Variants in SYNE1 observed in about 807,000 individuals in gnomAD.
SYNE1 encodes the protein spectrin repeat containing nuclear envelope protein 1.
In SYNE1, 616 loss-of-function variants were observed where a neutral mutation model predicts 1,111.0. The observed-to-expected ratio is 0.55, with a 90% CI of 0.52 to 0.59. The LOEUF is 0.59. Among genes scored for constraint, SYNE1 ranks in the 20% least tolerant of loss-of-function variants. SYNE1 has a pLI of 0.00. For synonymous variants in SYNE1, 3,855 were observed against 3,825.8 expected (o/e 1.01, Z -0.28); for missense variants, 10,006 against 10,417.0 (o/e 0.96, Z 1.72).
At chr6:152,392,855 AAATTC>A (rs1299031168) in intron 51 of SYNE1, among the ~76,000 whole-genome samples, 3 of 152,212 alleles carry the variant, frequency 2.0e-5, no homozygotes, top group African/African-American at 7.2e-5. Context: ...TGCATGATAA[AAATTC>A]AATGAGTCTT....
At chr6:152,170,259 C>T (rs1318536958) in intron 130 of SYNE1, among the ~76,000 whole-genome samples, 1 of 152,100 alleles carries the variant, frequency 6.6e-6, no homozygotes, top group Admixed American at 6.5e-5. Context: ...TTCATTGATA[C>T]AGAAAATCCT....
In SYNE1 at chr6:152,302,287, C is replaced by T. The variant is rs547611354; in HGVS notation, c.17347-224G>A. On this transcript the variant is annotated intron_variant, in intron 91 of 145. Coordinates refer to ENST00000367255, the MANE Select transcript of SYNE1 (RefSeq NM_182961.4). The stretch of plus-strand genomic sequence containing the variant: ...GCCAAAGTGCCCGAGCCCGCGTCCC[C>T]GCGTCGGTACAAAAGGAGAAATGAG... 8.1e-6 allele frequency: 5 copies of T among 619,874 alleles called. No homozygotes were observed. The South Asian group carries it at 9.4e-5, about 12-fold the overall frequency. 38.4% of individuals were successfully genotyped at this position (619,874 alleles called of 1,614,324 possible). A position where few individuals can be genotyped will look rare whatever the true frequency, so the allele number is the denominator to read the frequency against.
At chr6:152,321,690 G>T in intron 83 of SYNE1, 31 bp downstream of exon 83, 1 of 1,613,082 alleles carries the variant, frequency 6.2e-7, no homozygotes, top group East Asian at 2.2e-5. Flanking sequence ...TTGAAATGAT[G>T]GGTAAAGAGA....
intron 95 of SYNE1, among the ~76,000 whole-genome samples, chr6:152,288,609 C>T (rs1290077677): frequency 1.3e-5 from 2 of 152,140 alleles, no homozygotes; most frequent in Non-Finnish European, 1.5e-5. Flanking sequence ...TGCAGTGGCA[C>T]GATCTCAGCT....
Position 152,399,956 on chromosome 6 carries a change from C to T in SYNE1, c.7030-133G>A, listed in dbSNP as rs566470220. The T allele has an allele frequency of 4.8e-5, 50 of 1,038,894 alleles. No homozygotes were observed. The South Asian group carries it at 5.2e-4, about 11-fold the overall frequency. The allele number at this position is 1,038,894 out of a possible 1,614,324, so 64.4% of individuals were successfully genotyped here. On this transcript the variant is annotated intron_variant, in intron 47 of 145. Transcript: ENST00000367255. ...ACTCCATGGTGTATACATTTTGGTG[C>T]GTTTTTGAGTACTTGTACTAGATCT...
At chr6:152,287,774 T>C (rs1017388707) in intron 95 of SYNE1, among the ~76,000 whole-genome samples, 3 of 152,174 alleles carry the variant, frequency 2.0e-5, no homozygotes, top group African/African-American at 7.2e-5. Flanking sequence ...CTTGAATTCC[T>C]AGGCTCAAGT....
At chr6:152,235,125 A>G (rs1019735263) in intron 110 of SYNE1, among the ~76,000 whole-genome samples, 3 of 152,160 alleles carry the variant, frequency 2.0e-5, no homozygotes, top group Non-Finnish European at 2.9e-5. Context: ...CTATGTCATT[A>G]TGTAAAAATC....
chr6:152,237,070 T>C (rs754491084), intron 108 of SYNE1, 122 bp from the exon 109 acceptor site: 1 of 1,367,070 alleles, frequency 7.3e-7, no homozygotes, highest in Non-Finnish European at 1.0e-6. Context: ...ATGTTTGCGT[T>C]GGGCCTTGCT....
chr6:152,574,863 AG>A (rs780933680), intron 3 of SYNE1, among the ~76,000 whole-genome samples: 4 of 152,114 alleles, frequency 2.6e-5, no homozygotes, highest in Non-Finnish European at 4.4e-5. Context: ...TTGAAACGTC[AG>A]TTCACTCTTA....
chr6:152,604,825 G>A (rs1335236597), intron 3 of SYNE1, among the ~76,000 whole-genome samples: 1 of 150,332 alleles, frequency 6.7e-6, no homozygotes, highest in Non-Finnish European at 1.5e-5. Flanking sequence ...GTGGTGGTGT[G>A]TGCCTGTAGT....
intron 16 of SYNE1, among the ~76,000 whole-genome samples, chr6:152,470,200 C>T (rs983868504): frequency 1.3e-5 from 2 of 152,054 alleles, no homozygotes; most frequent in Non-Finnish European, 2.9e-5. Context: ...ATTGTTTATT[C>T]ACATATCATT....
At position 152,510,176 on chromosome 6, in the gene SYNE1, A is replaced by T. The variant is rs747720370; in HGVS notation, c.581+17T>A. The T allele has an allele frequency of 6.2e-7, 1 of 1,613,308 alleles. No homozygotes were observed. The highest frequency in any genetic ancestry group is 1.1e-5 in the South Asian group (1 of 91,044). ...CAATTTAACGGTTTCAAATTTAGAC[A>T]AACTCTTGATACTTACTTGCCAGCT... On this transcript the variant is annotated intron_variant, in intron 8 of 145. Coordinates refer to ENST00000367255, the MANE Select transcript of SYNE1 (RefSeq NM_182961.4).
chr6:152,610,192 T>C (rs1354625058), intron 3 of SYNE1, among the ~76,000 whole-genome samples: 1 of 152,134 alleles, frequency 6.6e-6, no homozygotes, highest in African/African-American at 2.4e-5. Flanking sequence ...AATAACAAAC[T>C]TCTCCAAGCT....
intron 3 of SYNE1, among the ~76,000 whole-genome samples, chr6:152,549,910 T>C (rs1314812600): frequency 6.6e-6 from 1 of 152,210 alleles, no homozygotes; most frequent in African/African-American, 2.4e-5. Flanking sequence ...AAATGTAGTA[T>C]CATTTCACTT....
At chr6:152,538,594 T>A (rs1249139710) in intron 4 of SYNE1, among the ~76,000 whole-genome samples, 2 of 150,156 alleles carry the variant, frequency 1.3e-5, no homozygotes, top group African/African-American at 4.9e-5. Flanking sequence ...GTAACCTCTG[T>A]ACACTATGAA....
chr6:152,534,494 A>T (rs956141864), intron 4 of SYNE1, among the ~76,000 whole-genome samples: 1 of 152,168 alleles, frequency 6.6e-6, no homozygotes, highest in African/African-American at 2.4e-5. Context: ...GACAAATAAA[A>T]ATTGTATATA....
chr6:152,583,749 G>C (rs1399444243), intron 3 of SYNE1, among the ~76,000 whole-genome samples: 2 of 152,182 alleles, frequency 1.3e-5, no homozygotes, highest in Non-Finnish European at 2.9e-5. Context: ...CATTGGAAGA[G>C]AGCACTATGC....
chr6:152,343,727 C>A (rs1193474820), intron 74 of SYNE1, among the ~76,000 whole-genome samples: 1 of 151,604 alleles, frequency 6.6e-6, no homozygotes, highest in Non-Finnish European at 1.5e-5. Flanking sequence ...GTCACCATGC[C>A]CAGCTAATGT....
chr6:152,403,260 C>T (rs1352468683), intron 46 of SYNE1, among the ~76,000 whole-genome samples: 1 of 152,152 alleles, frequency 6.6e-6, no homozygotes, highest in Non-Finnish European at 1.5e-5. Flanking sequence ...ACTGAAGTAG[C>T]CCAGGTGTTC....
Sources: allele counts gnomAD v4.1 joint callset (sites outside exome capture counted in the v4.1 genomes callset), GRCh38; gene constraint gnomAD v4.1.1; transcripts MANE v1.5; gene names NCBI Gene and HGNC (gene_info 2026-07-23, HGNC 2026-07-21).